CELF2: variants seen among roughly 807,000 people sequenced by gnomAD.
The protein encoded by CELF2 is CUGBP Elav-like family member 2.
A neutral mutation model predicts 62.6 loss-of-function variants in CELF2; 8 were observed. That is an observed-to-expected ratio of 0.13 (90% CI 0.07 to 0.23). CELF2 has a LOEUF of 0.23. Ranked by LOEUF, CELF2 falls within the 10% of genes least tolerant of loss-of-function variation. CELF2 has a pLI of 1.00. For synonymous variants in CELF2, 258 were observed against 250.0 expected, an observed-to-expected ratio of 1.03 and a Z score of -0.30; for missense variants, 333 against 671.0, an observed-to-expected ratio of 0.50 and a Z score of 5.56.
intron 1 of CELF2, among the ~76,000 whole-genome samples, chr10:10,913,205 T>G (rs1012077088): frequency 2.0e-5 from 3 of 152,076 alleles, no homozygotes; most frequent in African/African-American, 7.2e-5. Context: ...AACATAGTGA[T>G]GAATGACCAG....
chr10:10,661,315 T>A, the CELF2 span, among the ~76,000 whole-genome samples: 2 of 152,252 alleles, frequency 1.3e-5, no homozygotes, highest in East Asian at 3.9e-4. Flanking sequence ...TCATTGAGAT[T>A]CAACTATGGT....
In CELF2 at chr10:10,820,816, A is replaced by T. The variant is rs531001557; in HGVS notation, c.53+21999A>T. Among the ~76,000 whole-genome samples the T allele has an allele frequency of 1.2e-4, 18 of 152,326 alleles. No homozygotes were observed. The East Asian group carries it at 1.5e-3, about 13-fold the overall frequency. On this transcript the variant is annotated intron_variant, in intron 1 of 13. Coordinates refer to the CELF2 transcript ENST00000636488. ...TGTTCTCTCATTGTAAGAGCAATGGAAACCATTTACACCTTCAAACAGAGC... is the reference window on the plus strand; with the variant it reads ...TGTTCTCTCATTGTAAGAGCAATGGTAACCATTTACACCTTCAAACAGAGC...
chr10:11,104,126 T>C (rs1397610326), intron 1 of CELF2, among the ~76,000 whole-genome samples: 1 of 152,206 alleles, frequency 6.6e-6, no homozygotes, highest in Non-Finnish European at 1.5e-5. Flanking sequence ...AAACCATGTT[T>C]AATATACCAT....
the CELF2 span, among the ~76,000 whole-genome samples, chr10:10,650,082 G>A: frequency 6.6e-6 from 1 of 152,338 alleles, no homozygotes; most frequent in Non-Finnish European, 1.5e-5. Context: ...ACTATTTGAT[G>A]CTCCGCAGAT....
At chr10:11,252,114 C>T (rs867120551) in intron 4 of CELF2, among the ~76,000 whole-genome samples, 2 of 152,322 alleles carry the variant, frequency 1.3e-5, no homozygotes. Context: ...TCACCTTGCA[C>T]AGACATGAAC....
chr10:10,508,467 C>T, the CELF2 span, among the ~76,000 whole-genome samples: 1 of 152,172 alleles, frequency 6.6e-6, no homozygotes, highest in Non-Finnish European at 1.5e-5. Context: ...CAGAGAGCCT[C>T]GGCATGCTCT....
intron 9 of CELF2, among the ~76,000 whole-genome samples, chr10:11,307,028 A>G (rs1315147761): frequency 6.6e-6 from 1 of 152,132 alleles, no homozygotes; most frequent in African/African-American, 2.4e-5. Flanking sequence ...TCTCTGTCCA[A>G]CTCACTGTTT....
intron 1 of CELF2, among the ~76,000 whole-genome samples, chr10:11,143,864 A>G (rs760301067): frequency 2.6e-5 from 4 of 152,220 alleles, no homozygotes; most frequent in Non-Finnish European, 4.4e-5. Flanking sequence ...ATTGTTTTTC[A>G]GAGTGGTAAA....
At chr10:10,824,921 A>C (rs1217230740) in intron 1 of CELF2, among the ~76,000 whole-genome samples, 1 of 152,186 alleles carries the variant, frequency 6.6e-6, no homozygotes, top group Non-Finnish European at 1.5e-5. Context: ...TGGGCCACCT[A>C]ATGGAAATAT....
At chr10:10,837,111 G>A (rs985275995) in intron 1 of CELF2, among the ~76,000 whole-genome samples, 15 of 152,156 alleles carry the variant, frequency 9.9e-5, no homozygotes, top group African/African-American at 3.6e-4. Flanking sequence ...ATATGGTTTG[G>A]TTGTGTCCCC....
chr10:10,797,394 GAAA>G (rs76696057), upstream of CELF2, among the ~76,000 whole-genome samples: 2,000 of 136,780 alleles, frequency 0.015, 16 homozygotes, highest in Middle Eastern at 0.027. Context: ...GCAACAAAGA[GAAA>G]AAAAAAAAAG....
chr10:10,614,273 C>T, the CELF2 span, among the ~76,000 whole-genome samples: 1 of 151,928 alleles, frequency 6.6e-6, no homozygotes, highest in Admixed American at 6.6e-5. Context: ...CATTGAACAC[C>T]AATTAGATGA....
At position 11,315,491 on chromosome 10, in the gene CELF2, G is replaced by A. The variant is rs1192393547; in HGVS notation, c.1096+1233G>A. Among the ~76,000 whole-genome samples, 1 of 152,158 alleles carries A rather than the reference G, an allele frequency of 6.6e-6. No individual in the cohort carries two copies. The highest frequency in any genetic ancestry group is 1.5e-5 in the Non-Finnish European group (1 of 68,032). ...CCTTGCACTGGACTTGGTAGAAAAT[G>A]AACCTAAAATTTATCCAAATAAAAA... is the stretch of plus-strand genomic sequence containing the variant. On this transcript the variant is annotated intron_variant, in intron 10 of 12. Coordinates refer to ENST00000633077, the MANE Select transcript of CELF2 (RefSeq NM_001326342.2). The surrounding 1 kb of genome is among the most constrained non-coding windows in gnomAD (Gnocchi z 5.8).
chr10:11,053,258 T>A (rs2064318539), intron 1 of CELF2, among the ~76,000 whole-genome samples: 1 of 152,232 alleles, frequency 6.6e-6, no homozygotes, highest in African/African-American at 2.4e-5. Context: ...TTTTGTTCCT[T>A]GGATCAACTG....
chr10:11,091,467 C>T (rs970130888), intron 1 of CELF2, among the ~76,000 whole-genome samples: 2 of 152,196 alleles, frequency 1.3e-5, no homozygotes, highest in African/African-American at 4.8e-5. Context: ...GAGTACATGG[C>T]ACATCCCTTC....
intron 1 of CELF2, among the ~76,000 whole-genome samples, chr10:10,861,040 C>T (rs945698422): frequency 6.6e-6 from 1 of 152,132 alleles, no homozygotes; most frequent in Non-Finnish European, 1.5e-5. Flanking sequence ...CCTGCCTCAG[C>T]CCCCTGAGTA....
chr10:10,739,019 C>A, the CELF2 span, among the ~76,000 whole-genome samples: 6 of 152,094 alleles, frequency 3.9e-5, no homozygotes, highest in African/African-American at 1.4e-4. Flanking sequence ...AAATCTACAA[C>A]TCTTCTAAAA....
rs3740195 is a variant in CELF2 at position 11,255,563 on chromosome 10, G to C, written c.404-2175G>C. 5.6e-3 allele frequency among the ~76,000 whole-genome samples: 852 copies of C among 152,268 alleles called. 28 individuals are homozygous for C. The South Asian group carries it at 0.069, about 12-fold the overall frequency. On this transcript the variant is annotated intron_variant, in intron 4 of 12. Coordinates refer to ENST00000633077, the MANE Select transcript of CELF2 (RefSeq NM_001326342.2). This position sits in a 1 kb window ranked among gnomAD's most constrained non-coding sequence, Gnocchi z 5.5. ...CAAACACCTGGGTGCACGATTCGTAGTTTACAAGTATTGTGGAATCGTGCC... is the reference window on the plus strand; with the variant it reads ...CAAACACCTGGGTGCACGATTCGTACTTTACAAGTATTGTGGAATCGTGCC...
At chr10:10,909,090 G>A (rs573983918) in intron 1 of CELF2, among the ~76,000 whole-genome samples, 12 of 152,144 alleles carry the variant, frequency 7.9e-5, no homozygotes, top group Admixed American at 2.6e-4. Flanking sequence ...ATGCCTGGCC[G>A]CTGGTGCATT....
Sources: allele counts gnomAD v4.1 joint callset (sites outside exome capture counted in the v4.1 genomes callset), GRCh38; gene constraint gnomAD v4.1.1; non-coding constraint Gnocchi (gnomAD v3.1); transcripts MANE v1.5; gene names NCBI Gene and HGNC (gene_info 2026-07-23, HGNC 2026-07-21).